The following GALNTL6 variants were observed in gnomAD, a reference collection of about 807,000 sequenced individuals.
The protein encoded by GALNTL6 is polypeptide N-acetylgalactosaminyltransferase like 6.
A neutral mutation model predicts 73.7 loss-of-function variants in GALNTL6; 46 were observed. The ratio of observed to expected loss-of-function variants is 0.62; its 90% CI spans 0.49 to 0.80. The LOEUF (loss-of-function observed/expected upper bound fraction) is 0.80. GALNTL6 is among the 30% of genes least tolerant of loss of function. The pLI is 0.00. For missense variants in GALNTL6, 604 were observed against 755.0 expected (o/e 0.80, Z 2.34); for synonymous variants, 259 against 263.7 (o/e 0.98, Z 0.17).
intron 7 of GALNTL6, among the ~76,000 whole-genome samples, chr4:172,815,749 G>T (rs1347767851): frequency 6.6e-6 from 1 of 152,154 alleles, no homozygotes; most frequent in Non-Finnish European, 1.5e-5. Context: ...GTTACCTCTT[G>T]TTTCTGTCCC....
At chr4:172,665,194 C>T (rs1418367492) in intron 5 of GALNTL6, among the ~76,000 whole-genome samples, 4 of 152,140 alleles carry the variant, frequency 2.6e-5, no homozygotes, top group African/African-American at 4.8e-5. Flanking sequence ...TGTTTTAAGG[C>T]AACACCTCCA....
rs1355187564 is a variant in GALNTL6, at chr4:172,260,935, G to A, written c.247+31171G>A. Among the ~76,000 whole-genome samples, 4 of 151,636 alleles carry A rather than the reference G, an allele frequency of 2.6e-5. No homozygotes were observed. The East Asian group carries it at 7.7e-4, about 29-fold the overall frequency. On this transcript the variant is annotated intron_variant, in intron 3 of 12. Coordinates refer to ENST00000506823, the MANE Select transcript of GALNTL6 (RefSeq NM_001034845.3). ...GACTTGTGAATATTAAGCCATCCCT[G>A]CATCCCTGGTGTGAAATCCACTTGA... is the stretch of plus-strand genomic sequence containing the variant.
At chr4:172,948,580 G>A (rs1233753600) in intron 9 of GALNTL6, among the ~76,000 whole-genome samples, 1 of 150,684 alleles carries the variant, frequency 6.6e-6, no homozygotes, top group Non-Finnish European at 1.5e-5. Context: ...AGCCTCCCAA[G>A]TAGCTGGGAT....
intron 5 of GALNTL6, among the ~76,000 whole-genome samples, chr4:172,463,980 A>G (rs924525879): frequency 1.2e-4 from 18 of 152,322 alleles, no homozygotes; most frequent in Middle Eastern, 3.4e-3. Context: ...GGATATGGAC[A>G]AGGAATTCTG....
intron 5 of GALNTL6, among the ~76,000 whole-genome samples, chr4:172,743,237 A>G (rs1736901937): frequency 6.6e-6 from 1 of 152,094 alleles, no homozygotes; most frequent in South Asian, 2.1e-4. Flanking sequence ...AGAAGACCCA[A>G]GTAAAAGAGT....
chr4:172,967,423 C>T (rs1472536162), intron 10 of GALNTL6, among the ~76,000 whole-genome samples: 1 of 151,952 alleles, frequency 6.6e-6, no homozygotes, highest in Non-Finnish European at 1.5e-5. Context: ...GACAAATCAG[C>T]TTTTTCAAGC....
rs1039560238 is a variant in GALNTL6, at chr4:172,170,259, G to A, written c.139-59397G>A. 2.0e-5 allele frequency among the ~76,000 whole-genome samples: 3 copies of A among 152,232 alleles called. No homozygotes were observed. In the East Asian group the frequency reaches 5.8e-4, roughly 29 times the overall value. The stretch of plus-strand genomic sequence containing the variant: ...TCAGATGGAGGTAACTGGATCATGG[G>A]GGCAGTTTCCCCATGCTGTTCTCAT... On this transcript the variant is annotated intron_variant, in intron 2 of 12. Transcript: ENST00000506823.
intron 2 of GALNTL6, among the ~76,000 whole-genome samples, chr4:171,927,302 T>A (rs1196985295): frequency 6.6e-6 from 1 of 152,162 alleles, no homozygotes. Context: ...CTTTTTTTGT[T>A]TTTTAGAAGA....
At chr4:171,830,463 T>C (rs526085) in intron 2 of GALNTL6, among the ~76,000 whole-genome samples, 148,251 of 152,256 alleles carry the variant, frequency 0.97, 72,295 homozygotes, top group East Asian at 1. Context: ...AAAGTTGTCT[T>C]TTACATATTG....
At chr4:172,343,090 T>C (rs1303930270) in intron 4 of GALNTL6, among the ~76,000 whole-genome samples, 1 of 152,010 alleles carries the variant, frequency 6.6e-6, no homozygotes, top group Non-Finnish European at 1.5e-5. Flanking sequence ...AATTTGGGGG[T>C]GGTCATTACC....
intron 7 of GALNTL6, among the ~76,000 whole-genome samples, chr4:172,826,623 G>T (rs1245648309): frequency 6.6e-6 from 1 of 152,202 alleles, no homozygotes; most frequent in Non-Finnish European, 1.5e-5. Context: ...TTCACAAAAG[G>T]TGTGCAGCCT....
chr4:171,989,761 A>C (rs1740274799), intron 2 of GALNTL6, among the ~76,000 whole-genome samples: 3 of 152,200 alleles, frequency 2.0e-5, no homozygotes, highest in African/African-American at 7.2e-5. Context: ...TTGGGTAATA[A>C]AATGTATATT....
chr4:171,845,258 C>G (rs1735339543), intron 2 of GALNTL6, among the ~76,000 whole-genome samples: 1 of 152,148 alleles, frequency 6.6e-6, no homozygotes, highest in Non-Finnish European at 1.5e-5. Flanking sequence ...TTGCTGGTCT[C>G]TTTGTTCTGA....
At chr4:172,313,189 G>GCA (rs1740425167) in intron 4 of GALNTL6, among the ~76,000 whole-genome samples, 1 of 137,954 alleles carries the variant, frequency 7.2e-6, no homozygotes, top group Non-Finnish European at 1.5e-5. Flanking sequence ...GCAGTGGCTT[G>GCA]ATCTCGGCTC....
intron 5 of GALNTL6, among the ~76,000 whole-genome samples, chr4:172,764,238 C>T (rs1017113447): frequency 6.6e-6 from 1 of 151,994 alleles, no homozygotes; most frequent in African/African-American, 2.4e-5. Flanking sequence ...ATTACAGGCG[C>T]GAACCACCGC....
chr4:171,952,235 T>C (rs2111032755), intron 2 of GALNTL6, among the ~76,000 whole-genome samples: 1 of 152,104 alleles, frequency 6.6e-6, no homozygotes, highest in African/African-American at 2.4e-5. Context: ...AGTATATCAC[T>C]GATTAAAACG....
chr4:172,794,240 A>AT (rs2110939501), intron 5 of GALNTL6, among the ~76,000 whole-genome samples: 1 of 152,318 alleles, frequency 6.6e-6, no homozygotes, highest in Non-Finnish European at 1.5e-5. Context: ...TCCTTCTAAA[A>AT]TTTGGGGGAG....
rs532074409 is a variant in GALNTL6, at chr4:172,623,311, T to C, written c.554-186050T>C. Among the ~76,000 whole-genome samples the C allele has an allele frequency of 3.3e-5, 5 of 152,284 alleles. No homozygotes were observed. In the South Asian group the frequency reaches 1.0e-3, roughly 32 times the overall value. On this transcript the variant is annotated intron_variant, in intron 5 of 12. Coordinates refer to ENST00000506823, the MANE Select transcript of GALNTL6 (RefSeq NM_001034845.3). The stretch of plus-strand genomic sequence containing the variant: ...CTGATGTATTTCTTAACAAATCTTA[T>C]AGAACTATGTGCTCTTTAAACTACA...
intron 5 of GALNTL6, among the ~76,000 whole-genome samples, chr4:172,695,260 T>C (rs1209955444): frequency 6.6e-6 from 1 of 152,130 alleles, no homozygotes; most frequent in Admixed American, 6.5e-5. Context: ...GCTAAAAACA[T>C]CCAGGAAAGA....
Sources: allele counts gnomAD v4.1 joint callset (sites outside exome capture counted in the v4.1 genomes callset), GRCh38; gene constraint gnomAD v4.1.1; transcripts MANE v1.5; gene names NCBI Gene and HGNC (gene_info 2026-07-23, HGNC 2026-07-21).